Variants in ZFAT observed in about 807,000 individuals in gnomAD.
ZFAT encodes zinc finger protein ZFAT.
In ZFAT, 64 loss-of-function variants were observed where a neutral mutation model predicts 117.7. The observed-to-expected ratio is 0.54, with a 90% CI of 0.44 to 0.67. The LOEUF is 0.67. Among genes scored for constraint, ZFAT ranks in the 30% least tolerant of loss-of-function variants. The pLI, the probability that ZFAT is intolerant of heterozygous loss-of-function variation, is 0.00. For synonymous variants in ZFAT, 679 were observed against 615.0 expected (o/e 1.10, Z -1.54); for missense variants, 1,433 against 1,584.5 (o/e 0.90, Z 1.62).
At chr8:134,721,550 G>A in the ZFAT span, among the ~76,000 whole-genome samples, 11 of 152,094 alleles carry the variant, frequency 7.2e-5, no homozygotes, top group Non-Finnish European at 1.2e-4. Context: ...TGCACCCGAC[G>A]GCTCGCCATT....
the ZFAT span, among the ~76,000 whole-genome samples, chr8:134,821,344 G>A: frequency 6.6e-6 from 1 of 152,084 alleles, no homozygotes; most frequent in Non-Finnish European, 1.5e-5. Context: ...CCAAAAAAAT[G>A]CAATGCAAAT....
At chr8:134,779,007 G>T in the ZFAT span, among the ~76,000 whole-genome samples, 1 of 152,202 alleles carries the variant, frequency 6.6e-6, no homozygotes, top group East Asian at 1.9e-4. Flanking sequence ...TCACGTTCAT[G>T]TGCTTTACAT....
intron 3 of ZFAT, among the ~76,000 whole-genome samples, chr8:134,631,144 A>G (rs1006710977): frequency 6.6e-6 from 1 of 152,222 alleles, no homozygotes; most frequent in Admixed American, 6.5e-5. Context: ...ATTCAAATCA[A>G]TGGAATAGGA....
At chr8:134,701,832 C>T (rs186803726) in intron 1 of ZFAT, among the ~76,000 whole-genome samples, 1 of 152,346 alleles carries the variant, frequency 6.6e-6, no homozygotes, top group East Asian at 1.9e-4. Context: ...GGGCTGGTTC[C>T]AGTTTGGGGC....
At chr8:134,613,308 G>A (rs888430572) in intron 3 of ZFAT, among the ~76,000 whole-genome samples, 1 of 152,200 alleles carries the variant, frequency 6.6e-6, no homozygotes, top group African/African-American at 2.4e-5. Flanking sequence ...CTAATAAGAA[G>A]CAGCTGAAGA....
intron 1 of ZFAT, among the ~76,000 whole-genome samples, chr8:134,666,584 C>G (rs1269928978): frequency 6.6e-6 from 1 of 152,172 alleles, no homozygotes; most frequent in Non-Finnish European, 1.5e-5. Flanking sequence ...AGCGAAAAAA[C>G]ATTGTGTCTC....
At chr8:134,505,079 C>T (rs1819289459) in intron 15 of ZFAT, among the ~76,000 whole-genome samples, 1 of 152,210 alleles carries the variant, frequency 6.6e-6, no homozygotes, top group Non-Finnish European at 1.5e-5. Context: ...ATTTTCCATA[C>T]CTCTTGACCA....
chr8:134,623,770 C>T (rs1829296013), intron 3 of ZFAT, among the ~76,000 whole-genome samples: 1 of 152,074 alleles, frequency 6.6e-6, no homozygotes, highest in Non-Finnish European at 1.5e-5. Context: ...CTCTCCTCCC[C>T]TCTTCTCCCT....
chr8:134,709,742 C>T, intron 1 of ZFAT, among the ~76,000 whole-genome samples: 1 of 152,182 alleles, frequency 6.6e-6, no homozygotes, highest in East Asian at 1.9e-4. Flanking sequence ...TTCTACTTAA[C>T]AATAGCTATC....
chr8:134,590,454 C>G (rs1826382781), intron 7 of ZFAT, 99 bp from the exon 8 acceptor site: 1 of 851,602 alleles, frequency 1.2e-6, no homozygotes, highest in African/African-American at 1.7e-5. Context: ...ACCACCACCA[C>G]CACTACCACT....
chr8:134,572,711 G>C (rs1019998856), intron 10 of ZFAT, among the ~76,000 whole-genome samples: 1 of 151,982 alleles, frequency 6.6e-6, no homozygotes, highest in African/African-American at 2.4e-5. Context: ...TGTAAATAAG[G>C]ACAAAGCAAA....
chr8:134,644,058 A>G (rs190486363), intron 2 of ZFAT, among the ~76,000 whole-genome samples: 94 of 152,322 alleles, frequency 6.2e-4, no homozygotes, highest in Middle Eastern at 6.8e-3. Context: ...CCCTCACATT[A>G]GAGGACGTCT....
At chr8:134,583,708 G>A in intron 10 of ZFAT, 124 bp downstream of exon 10, 3 of 1,213,050 alleles carry the variant, frequency 2.5e-6, no homozygotes, top group Non-Finnish European at 3.4e-6. Context: ...CGCTCTTCCA[G>A]AAGCTCCTTC....
At chr8:134,757,055 C>T in the ZFAT span, among the ~76,000 whole-genome samples, 2 of 130,848 alleles carry the variant, frequency 1.5e-5, no homozygotes, top group Admixed American at 8.9e-5. Context: ...TCACTCCTGT[C>T]GCCCAGGCTG....
intron 15 of ZFAT, among the ~76,000 whole-genome samples, chr8:134,496,443 C>A (rs1016447958): frequency 6.6e-6 from 1 of 152,168 alleles, no homozygotes; most frequent in Non-Finnish European, 1.5e-5. Context: ...GCTGTCCATC[C>A]GGGGCAGGGG....
chr8:134,494,134 T>C (rs1563770242), intron 15 of ZFAT, among the ~76,000 whole-genome samples: 1 of 152,132 alleles, frequency 6.6e-6, no homozygotes, highest in East Asian at 1.9e-4. Context: ...GGGAGCACTC[T>C]CTTCCCTACA....
rs767654203 is a variant in ZFAT at position 134,532,901 on chromosome 8, C to T, written c.3048G>A (p.Lys1016=). 2 of 1,609,720 alleles carry T rather than the reference C, an allele frequency of 1.2e-6. No homozygotes were observed. The highest frequency in any genetic ancestry group is 1.7e-6 in the Non-Finnish European group (2 of 1,178,120). ...CGTTGGCATACTCCTCATTAGGGTG[C>T]TTCCTGTTGTAGTGCCGCTTCAGAG... ...SGSLKRHYNR[K]HPNEEYANVG... Residue 1016 remains lysine, a synonymous_variant, in exon 12 of 16, where the codon AAG becomes AAA. Coordinates refer to ENST00000377838, the MANE Select transcript of ZFAT (RefSeq NM_020863.4).
At chr8:134,764,000 C>G in the ZFAT span, among the ~76,000 whole-genome samples, 2 of 152,232 alleles carry the variant, frequency 1.3e-5, no homozygotes, top group African/African-American at 4.8e-5. Flanking sequence ...CCTTGTTATA[C>G]TGATCATGTA....
chr8:134,615,623 A>C (rs1287965418), intron 3 of ZFAT, among the ~76,000 whole-genome samples: 2 of 152,148 alleles, frequency 1.3e-5, no homozygotes, highest in Non-Finnish European at 2.9e-5. Context: ...ACTCAGGTAA[A>C]CTACCTGCAG....
Sources: allele counts gnomAD v4.1 joint callset (sites outside exome capture counted in the v4.1 genomes callset), GRCh38; gene constraint gnomAD v4.1.1; transcripts MANE v1.5; gene names NCBI Gene and HGNC (gene_info 2026-07-23, HGNC 2026-07-21).